The following CNTNAP2 variants were observed in gnomAD, a reference collection of about 807,000 sequenced individuals.
The protein encoded by CNTNAP2 is contactin associated protein 2, also known as contactin-associated protein-like 2.
CNTNAP2 carries 98 observed loss-of-function variants against 155.2 expected under a neutral mutation model. That is an observed-to-expected ratio of 0.63 (90% CI 0.54 to 0.75). The LOEUF (loss-of-function observed/expected upper bound fraction) is 0.75, where lower values mean the gene tolerates loss of function less well. Ranked by LOEUF, CNTNAP2 falls within the 30% of genes least tolerant of loss-of-function variation. CNTNAP2 has a pLI of 0.00. For missense variants in CNTNAP2, 1,727 were observed against 1,688.1 expected, an observed-to-expected ratio of 1.02 and a Z score of -0.40; for synonymous variants, 651 against 631.2, an observed-to-expected ratio of 1.03 and a Z score of -0.47.
intron 3 of CNTNAP2, among the ~76,000 whole-genome samples, chr7:147,029,476 T>C (rs968244105): frequency 4.0e-5 from 6 of 151,504 alleles, no homozygotes; most frequent in Non-Finnish European, 8.8e-5. Context: ...AAACACCATC[T>C]ATTAGAGAAG....
At chr7:146,342,803 T>C (rs2129096895) in intron 1 of CNTNAP2, among the ~76,000 whole-genome samples, 1 of 152,358 alleles carries the variant, frequency 6.6e-6, no homozygotes, top group East Asian at 1.9e-4. Context: ...AATTATTTTA[T>C]GCCTGTAAGA....
At chr7:146,193,674 TC>T (rs1478997037) in intron 1 of CNTNAP2, among the ~76,000 whole-genome samples, 1 of 152,226 alleles carries the variant, frequency 6.6e-6, no homozygotes, top group Admixed American at 6.5e-5. Context: ...CATGAAGGTC[TC>T]CGAGATTCCC....
chr7:147,727,881 A>G (rs908993006), intron 13 of CNTNAP2, among the ~76,000 whole-genome samples: 1 of 151,874 alleles, frequency 6.6e-6, no homozygotes, highest in Non-Finnish European at 1.5e-5. Context: ...CTGAAATGAC[A>G]TTTTCTAATA....
At chr7:146,900,983 A>G (rs1373952299) in intron 3 of CNTNAP2, among the ~76,000 whole-genome samples, 1 of 152,032 alleles carries the variant, frequency 6.6e-6, no homozygotes, top group African/African-American at 2.4e-5. Context: ...TTCTAAGACT[A>G]TGCTTCAGAA....
chr7:147,394,428 C>T (rs1796774730), intron 9 of CNTNAP2, among the ~76,000 whole-genome samples: 3 of 151,692 alleles, frequency 2.0e-5, no homozygotes. Flanking sequence ...GGTTCCATCC[C>T]ATTTTATATA....
chr7:148,259,069 G>T (rs1198360155), intron 20 of CNTNAP2, among the ~76,000 whole-genome samples: 1 of 150,480 alleles, frequency 6.6e-6, no homozygotes, highest in Admixed American at 6.7e-5. Context: ...CCAGCTACTT[G>T]GGAGACTGCA....
intron 1 of CNTNAP2, among the ~76,000 whole-genome samples, chr7:146,256,343 G>T (rs868653139): frequency 1.3e-5 from 2 of 152,002 alleles, no homozygotes; most frequent in African/African-American, 2.4e-5. Flanking sequence ...AGGAAATTTG[G>T]ACATTTTATT....
At chr7:147,415,116 C>G (rs1385234538) in intron 10 of CNTNAP2, among the ~76,000 whole-genome samples, 3 of 152,134 alleles carry the variant, frequency 2.0e-5, no homozygotes, top group Admixed American at 6.5e-5. Context: ...TAAAGCCCTA[C>G]ACCTTTGTAT....
intron 3 of CNTNAP2, among the ~76,000 whole-genome samples, chr7:146,843,000 T>G (rs1803768266): frequency 1.8e-5 from 1 of 54,198 alleles, no homozygotes. Flanking sequence ...CACACTTTTT[T>G]TTTTTTTTTT....
Position 146,475,812 on chromosome 7 carries a change from A to T in CNTNAP2, c.98-298459A>T, listed in dbSNP as rs763502824. 2.6e-4 allele frequency among the ~76,000 whole-genome samples: 39 copies of T among 152,206 alleles called. 1 individual carries two copies. Among genetic ancestry groups the T allele is most frequent in the Admixed American group, 1.3e-4 (2 of 15,282 alleles). On this transcript the variant is annotated intron_variant, in intron 1 of 23. Coordinates refer to ENST00000361727, the MANE Select transcript of CNTNAP2 (RefSeq NM_014141.6). ...AGTCCTCCCAATACCCCAAAATATC[A>T]CATATATTTTTGGCCAGGGAGTTGG...
At chr7:148,112,878 T>A (rs1189883505) in intron 15 of CNTNAP2, among the ~76,000 whole-genome samples, 3 of 150,686 alleles carry the variant, frequency 2.0e-5, no homozygotes, top group African/African-American at 4.9e-5. Flanking sequence ...TAAAAAAAAA[T>A]ACAGCTGTTT....
Position 146,161,450 on chromosome 7 carries a change from T to G in CNTNAP2, c.97+44477T>G, listed in dbSNP as rs892832896. ...ATGTAAAATACCTAGGATTCCAACT[T>G]GCAAGAGATGTTAAGGACCTATTCA... is the stretch of plus-strand genomic sequence containing the variant. On this transcript the variant is annotated intron_variant, in intron 1 of 23. Transcript: ENST00000361727. 2.6e-5 allele frequency among the ~76,000 whole-genome samples: 4 copies of G among 152,098 alleles called. No individual in the cohort carries two copies. The South Asian group carries it at 8.3e-4, about 32-fold the overall frequency.
At chr7:147,099,112 G>T (rs1800605228) in intron 4 of CNTNAP2, among the ~76,000 whole-genome samples, 1 of 152,024 alleles carries the variant, frequency 6.6e-6, no homozygotes, top group African/African-American at 2.4e-5. Context: ...GGGTAAGCAG[G>T]CTTAGGTCTG....
In CNTNAP2 at chr7:146,267,888, G is replaced by T. The variant is rs148485708; in HGVS notation, c.97+150915G>T. Among the ~76,000 whole-genome samples the T allele has an allele frequency of 3.1e-3, 479 of 152,266 alleles. 3 individuals are homozygous for T. Among genetic ancestry groups the T allele is most frequent in the African/African-American group, 0.011 (455 of 41,554 alleles). ...GCTATGATACAAAGAGTCCCCATTT[G>T]CTCTATATCCCATGATTTATTCATT... On this transcript the variant is annotated intron_variant, in intron 1 of 23. Coordinates refer to ENST00000361727, the MANE Select transcript of CNTNAP2 (RefSeq NM_014141.6).
intron 1 of CNTNAP2, among the ~76,000 whole-genome samples, chr7:146,193,943 G>T (rs2116856332): frequency 6.6e-6 from 1 of 152,284 alleles, no homozygotes; most frequent in South Asian, 2.1e-4. Flanking sequence ...GGGGCAAAAT[G>T]CCACCAATCT....
chr7:148,337,849 C>A (rs1481944363), intron 21 of CNTNAP2, among the ~76,000 whole-genome samples: 5 of 152,166 alleles, frequency 3.3e-5, no homozygotes, highest in Non-Finnish European at 7.4e-5. Context: ...CCCTATTGTA[C>A]CTTCTTAGAT....
rs1367792467 is a variant in CNTNAP2 at position 146,721,669 on chromosome 7, ATATATAC to A, written c.98-52594_98-52588del. Among the ~76,000 whole-genome samples, 2 of 119,822 alleles carry A rather than the reference ATATATAC, an allele frequency of 1.7e-5. 1 individual carries two copies. Among genetic ancestry groups the A allele is most frequent in the African/African-American group, 8.2e-5 (2 of 24,256 alleles). 78.6% of individuals were successfully genotyped at this position (119,822 alleles called of 152,430 possible). A position where few individuals can be genotyped will look rare whatever the true frequency, so the allele number is the denominator to read the frequency against. On this transcript the variant is annotated intron_variant, in intron 1 of 23. Coordinates refer to ENST00000361727, the MANE Select transcript of CNTNAP2 (RefSeq NM_014141.6). ...TATATATATTCTATATACATTCTATATATATACTATATACATTCTATATATATATTCT... is the reference window on the plus strand; with the variant it reads ...TATATATATTCTATATACATTCTATATATATACATTCTATATATATATTCT...
At chr7:146,504,774 A>G (rs1797357556) in intron 1 of CNTNAP2, among the ~76,000 whole-genome samples, 1 of 152,200 alleles carries the variant, frequency 6.6e-6, no homozygotes, top group South Asian at 2.1e-4. Flanking sequence ...ACCCCCAGGT[A>G]GAGCGGCCAA....
chr7:148,158,812 GA>G (rs2116670396), intron 17 of CNTNAP2, among the ~76,000 whole-genome samples: 1 of 152,262 alleles, frequency 6.6e-6, no homozygotes, highest in South Asian at 2.1e-4. Flanking sequence ...AATCAATATG[GA>G]AAAATGTTTT....
Sources: allele counts gnomAD v4.1 joint callset (sites outside exome capture counted in the v4.1 genomes callset), GRCh38; gene constraint gnomAD v4.1.1; transcripts MANE v1.5; gene names NCBI Gene and HGNC (gene_info 2026-07-23, HGNC 2026-07-21).